SALL2: variants seen among roughly 807,000 people sequenced by gnomAD.
SALL2 encodes the protein spalt like transcription factor 2.
In SALL2, 32 loss-of-function variants were observed where a neutral mutation model predicts 58.5. That is an observed-to-expected ratio of 0.55 (90% CI 0.41 to 0.74). The LOEUF is 0.74. SALL2 is among the 30% of genes least tolerant of loss of function. SALL2 has a pLI of 0.00. For synonymous variants in SALL2, 516 were observed against 513.6 expected, an observed-to-expected ratio of 1.00 and a Z score of -0.06; for missense variants, 1,201 against 1,268.9, an observed-to-expected ratio of 0.95 and a Z score of 0.81.
chr14:21,523,089 G>A lies in SALL2; in HGVS notation c.2633C>T (p.Thr878Ile), dbSNP rs1003765654. The A allele has an allele frequency of 1.9e-6, 3 of 1,614,042 alleles. No homozygotes were observed. The highest frequency in any genetic ancestry group is 2.7e-5 in the African/African-American group (2 of 74,942). ...CACGCTGGTGGCTTCCCCTTCTGGG[G>A]TGAGTGCTGATGCCGGACTTGAGCT... Reference protein sequence around the residue: ...ERSSSPASALTPEGEATSVTL... With the variant: ...ERSSSPASALIPEGEATSVTL... The change falls in exon 2 of 2, where the codon ACC becomes ATC. Residue 878 changes from threonine (T) to isoleucine (I), a missense_variant. Physicochemically the swap from Thr to Ile is moderately conservative, Grantham distance 89 (BLOSUM62 -1). This residue lies in a region of SALL2 where 675 missense variants were observed against 683.8 expected (regional missense o/e 0.99). Coordinates refer to ENST00000537235, the MANE Select transcript of SALL2 (RefSeq NM_001364564.1). The surrounding 1 kb of genome is among the most constrained non-coding windows in gnomAD (Gnocchi z 4.4).
In SALL2 at chr14:21,524,272, C is replaced by T. The variant is rs1369478454; in HGVS notation, c.1450G>A (p.Ala484Thr). 3 of 1,613,776 alleles carry T rather than the reference C, an allele frequency of 1.9e-6. No homozygotes were observed. The highest frequency in any genetic ancestry group is 8.5e-7 in the Non-Finnish European group (1 of 1,179,958). Reference protein sequence around the residue: ...PLVASTTALSATESLTLLSTS... With the variant: ...PLVASTTALSTTESLTLLSTS... The stretch of plus-strand genomic sequence containing the variant: ...GAGAGCAGAGTCAGGCTCTCTGTGG[C>T]ACTGAGTGCTGTTGTGGAGGCCACC... Residue 484 changes from alanine (A) to threonine (T), a missense_variant, in exon 2 of 2, where the codon GCC (alanine) becomes ACC (threonine). Physicochemically the swap from Ala to Thr is moderately conservative, Grantham distance 58 (BLOSUM62 0). This residue lies in a region of SALL2 where 675 missense variants were observed against 683.8 expected (regional missense o/e 0.99). Coordinates refer to ENST00000537235, the MANE Select transcript of SALL2 (RefSeq NM_001364564.1).
chr14:21,532,014 G>A (rs1892478828), intron 1 of SALL2, among the ~76,000 whole-genome samples: 1 of 152,168 alleles, frequency 6.6e-6, no homozygotes, highest in African/African-American at 2.4e-5. Context: ...ACAGGCATGA[G>A]CTGCTGTGCC....
upstream of SALL2, chr14:21,526,374 ATGGGGAGGAGCTGC>A (rs1275662468): frequency 1.8e-6 from 2 of 1,134,930 alleles, no homozygotes; most frequent in Non-Finnish European, 2.2e-6. Context: ...AGGGGAGTTT[ATGGGGAGGAGCTGC>A]TGGGGAGGGA....
chr14:21,525,174 T>A lies in SALL2; in HGVS notation c.548A>T (p.Glu183Val). The A allele has an allele frequency of 6.2e-7, 1 of 1,613,880 alleles. No homozygotes were observed. The highest frequency in any genetic ancestry group is 2.2e-5 in the East Asian group (1 of 44,856). Residue 183 changes from glutamate (E) to valine (V), a missense_variant, in exon 2 of 2, where the codon GAG (glutamate) becomes GTG (valine). Transcript: ENST00000537235. This position sits in a 1 kb window ranked among gnomAD's most constrained non-coding sequence, Gnocchi z 4.4. ...GHLNIPLILEELRVLQQRQIH... is the reference protein window; with the variant it reads ...GHLNIPLILEVLRVLQQRQIH... Reference sequence around the variant, plus strand: ...CTGCCGCTGCTGCAGCACCCGTAGCTCTTCCAAGATCAGGGGGATATTCAA... The same window carrying A: ...CTGCCGCTGCTGCAGCACCCGTAGCACTTCCAAGATCAGGGGGATATTCAA...
Position 21,526,080 on chromosome 14 carries a change from C to G in SALL2, c.48G>C (p.Gly16=), listed in dbSNP as rs755426272. ...CCGCACCTCCGAGCTCTGCCGGCTCCCCGCAGGGCACCCCGAGACGAGAGC... is the reference window on the plus strand; with the variant it reads ...CCGCACCTCCGAGCTCTGCCGGCTCGCCGCAGGGCACCCCGAGACGAGAGC... ...ERSSRLGVPC[G]EPAELGGDAS... The change falls in exon 1 of 2, where the codon GGG becomes GGC. Residue 16 remains glycine, a synonymous_variant. Transcript: ENST00000537235. 8 of 1,536,646 alleles carry G rather than the reference C, an allele frequency of 5.2e-6. No homozygotes were observed. The highest frequency in any genetic ancestry group is 7.0e-6 in the Non-Finnish European group (8 of 1,147,164).
Position 21,522,425 on chromosome 14 carries a change from A to G in SALL2, c.*279T>C. On this transcript the variant is annotated 3_prime_UTR_variant, in exon 2 of 2. Transcript: ENST00000537235. ...GGAGAGAGGAGGGGGAAGAAGGGTC[A>G]CACCAGGGAAGCTGGAGAGGGTTCC... 6 of 1,411,140 alleles carry G rather than the reference A, an allele frequency of 4.3e-6. No individual in the cohort carries two copies. Among genetic ancestry groups the G allele is most frequent in the Non-Finnish European group, 3.7e-6 (4 of 1,086,130 alleles). 87.4% of individuals were successfully genotyped at this position (1,411,140 alleles called of 1,614,324 possible).
chr14:21,526,014 T>TCCCCCGCCCC, intron 1 of SALL2, 47 bp downstream of exon 1: 1 of 1,041,066 alleles, frequency 9.6e-7, no homozygotes, highest in Non-Finnish European at 1.4e-6. Context: ...CCCCTGCGCA[T>TCCCCCGCCCC]CCCCCTCCGC....
At position 21,535,023 on chromosome 14, in the gene SALL2, C is replaced by G. The variant is rs144038930; in HGVS notation, c.-114+1939G>C. ...ATTTTAGTCGCCACCAATACACTCT[C>G]TTAGAGCTTTTCATGACACGTCTCA... On this transcript the variant is annotated intron_variant, in intron 1 of 1. Coordinates refer to the SALL2 transcript ENST00000541965. 4.2e-3 allele frequency among the ~76,000 whole-genome samples: 633 copies of G among 152,264 alleles called. 4 individuals are homozygous for G. Among genetic ancestry groups the G allele is most frequent in the African/African-American group, 0.014 (581 of 41,554 alleles).
At chr14:21,531,804 A>G (rs1384460676) in intron 1 of SALL2, among the ~76,000 whole-genome samples, 3 of 146,840 alleles carry the variant, frequency 2.0e-5, no homozygotes, top group Non-Finnish European at 4.5e-5. Context: ...ATCTCGGCTC[A>G]CTGCAATCTC....
upstream of SALL2, among the ~76,000 whole-genome samples, chr14:21,528,957 CT>C (rs1048350124): frequency 6.6e-6 from 1 of 152,158 alleles, no homozygotes; most frequent in African/African-American, 2.4e-5. Context: ...AAATCCTTTT[CT>C]TTTCATCTTC....
exon 1 of SALL2, chr14:21,537,068 C>T (rs1394522683): frequency 6.1e-6 from 4 of 652,166 alleles, no homozygotes; most frequent in Admixed American, 2.5e-5. Context: ...TTCTTCTTTC[C>T]CAGAGACACA....
chr14:21,536,119 C>T (rs969351034), intron 1 of SALL2, among the ~76,000 whole-genome samples: 2 of 152,214 alleles, frequency 1.3e-5, no homozygotes, highest in Non-Finnish European at 2.9e-5. Flanking sequence ...TACAATTTTT[C>T]CCCCTCATAA....
At position 21,535,350 on chromosome 14, in the gene SALL2, A is replaced by G. The variant is rs148103063; in HGVS notation, c.-114+1612T>C. Among the ~76,000 whole-genome samples the G allele has an allele frequency of 5.8e-3, 870 of 150,532 alleles. 11 individuals are homozygous for G. The highest frequency in any genetic ancestry group is 0.02 in the African/African-American group (807 of 41,050). ...ACAGAGCGAGACTCTCTCTCAAAAAAAAAAAAAGAAAAAAAGAAAAAGAAA... is the reference window on the plus strand; with the variant it reads ...ACAGAGCGAGACTCTCTCTCAAAAAGAAAAAAAGAAAAAAAGAAAAAGAAA... On this transcript the variant is annotated intron_variant, in intron 1 of 1. Transcript: ENST00000541965.
Position 21,522,958 on chromosome 14 carries a change from C to G in SALL2, c.2764G>C (p.Ala922Pro). 6.2e-7 allele frequency: 1 copy of G among 1,614,060 alleles called. No homozygotes were observed. Among genetic ancestry groups the G allele is most frequent in the Non-Finnish European group, 8.5e-7 (1 of 1,179,982 alleles). The change falls in exon 2 of 2, where the codon GCA becomes CCA. Residue 922 changes from alanine to proline, a missense_variant. By Grantham distance (27) the Ala-to-Pro change is conservative. Transcript: ENST00000537235. ...GTCTTCTGATGCTCCTCCAGAGCTG[C>G]CTGGGAGGGAAAGGCCTGGCCACAC... ...EVCGQAFPSQ[A>P]ALEEHQKTHP...
upstream of SALL2, among the ~76,000 whole-genome samples, chr14:21,529,794 C>G (rs559159146): frequency 6.6e-6 from 1 of 152,152 alleles, no homozygotes; most frequent in East Asian, 1.9e-4. Flanking sequence ...GCAAAAGCAA[C>G]CAACCAACCA....
Position 21,525,591 on chromosome 14 carries a change from G to A in SALL2, c.131C>T (p.Pro44Leu). The change falls in exon 2 of 2, where the codon CCA becomes CTA. Residue 44 changes from proline (P) to leucine (L), a missense_variant. This residue lies in a region of SALL2 where 467 missense variants were observed against 468.9 expected (regional missense o/e 1.00). Transcript: ENST00000537235. The surrounding 1 kb of genome is among the most constrained non-coding windows in gnomAD (Gnocchi z 4.4). ...CAKCCAQFTD[P>L]TEFLAHQNAC... ...GTTCTGGTGGGCGAGGAATTCAGTT[G>A]GGTCAGTGAATTGTGCGCAGCACTT... The A allele has an allele frequency of 6.2e-7, 1 of 1,611,718 alleles. No homozygotes were observed. The highest frequency in any genetic ancestry group is 8.5e-7 in the Non-Finnish European group (1 of 1,178,738).
chr14:21,526,606 T>C (rs1446273139), upstream of SALL2: 1 of 634,216 alleles, frequency 1.6e-6, no homozygotes, highest in East Asian at 1.2e-4. Context: ...CCTCCTAAGC[T>C]CTAGGGGCAC....
intron 1 of SALL2, among the ~76,000 whole-genome samples, chr14:21,531,764 T>C (rs1892470795): frequency 1.6e-5 from 1 of 63,384 alleles, no homozygotes; most frequent in Admixed American, 1.4e-4. Flanking sequence ...TGGAGTGCAA[T>C]GGTCGCCCAG....
rs368347412 is a variant in SALL2, at chr14:21,522,078, G to A, written c.*626C>T. ...AGGAGGCTGAAATAGGAGGGGGGCT[G>A]TCTTCTCCTTGGCTTCCCTGGATCC... On this transcript the variant is annotated 3_prime_UTR_variant, in exon 2 of 2. Coordinates refer to ENST00000537235, the MANE Select transcript of SALL2 (RefSeq NM_001364564.1). 1.2e-4 allele frequency: 192 copies of A among 1,597,660 alleles called. No individual in the cohort carries two copies. Among genetic ancestry groups the A allele is most frequent in the Admixed American group, 1.7e-4 (10 of 59,940 alleles).
Sources: allele counts gnomAD v4.1 joint callset (sites outside exome capture counted in the v4.1 genomes callset), GRCh38; gene constraint gnomAD v4.1.1; regional missense constraint gnomAD v4.1.1; non-coding constraint Gnocchi (gnomAD v3.1); transcripts MANE v1.5; gene names NCBI Gene and HGNC (gene_info 2026-07-23, HGNC 2026-07-21).